FAM240B: variants seen among roughly 807,000 people sequenced by gnomAD.
FAM240B encodes the protein family with sequence similarity 240 member B.
chr9:38,699,096 T>C (rs1821095187), intron 2 of FAM240B, among the ~76,000 whole-genome samples: 2 of 152,188 alleles, frequency 1.3e-5, no homozygotes, highest in South Asian at 2.1e-4. Flanking sequence ...AGCCTAGAAA[T>C]ATTGGCCTCA....
chr9:38,699,449 C>T (rs896532180), intron 2 of FAM240B, among the ~76,000 whole-genome samples: 2 of 152,128 alleles, frequency 1.3e-5, no homozygotes, highest in East Asian at 3.9e-4. Context: ...TAGACTTCAG[C>T]GCTGGTCTGA....
intron 1 of FAM240B, among the ~76,000 whole-genome samples, chr9:38,704,741 G>C (rs1264459491): frequency 1.3e-5 from 2 of 152,102 alleles, no homozygotes; most frequent in Non-Finnish European, 2.9e-5. Context: ...TCGAGGACCC[G>C]ATGTGGGCCG....
At chr9:38,711,693 G>A (rs1821257729) in intron 1 of FAM240B, among the ~76,000 whole-genome samples, 1 of 131,940 alleles carries the variant, frequency 7.6e-6, no homozygotes, top group Non-Finnish European at 1.6e-5. Flanking sequence ...ATCTCCCTCT[G>A]TCACCCAGGC....
chr9:38,697,015 T>C (rs568988126), intron 2 of FAM240B, among the ~76,000 whole-genome samples: 2 of 152,302 alleles, frequency 1.3e-5, no homozygotes. Flanking sequence ...AAAGCCTCTG[T>C]AAATAAATCT....
chr9:38,695,823 A>C (rs1821062702), intron 2 of FAM240B, among the ~76,000 whole-genome samples: 1 of 152,244 alleles, frequency 6.6e-6, no homozygotes, highest in Non-Finnish European at 1.5e-5. Flanking sequence ...TACCATCATC[A>C]AGGCAGTGAA....
intron 1 of FAM240B, among the ~76,000 whole-genome samples, chr9:38,716,639 T>G: frequency 6.6e-6 from 1 of 152,184 alleles, no homozygotes; most frequent in East Asian, 1.9e-4. Flanking sequence ...TATTAAAAGC[T>G]TTTAAAAAGG....
chr9:38,719,408 C>T (rs568279115), intron 1 of FAM240B, among the ~76,000 whole-genome samples: 1 of 152,206 alleles, frequency 6.6e-6, no homozygotes, highest in African/African-American at 2.4e-5. Context: ...CTAGAACTCA[C>T]TTTTATAATA....
chr9:38,704,925 T>A (rs1329020487), intron 1 of FAM240B, among the ~76,000 whole-genome samples: 1 of 152,206 alleles, frequency 6.6e-6, no homozygotes, highest in Non-Finnish European at 1.5e-5. Context: ...GCTCTACAGA[T>A]CTTCTTTGCT....
intron 1 of FAM240B, among the ~76,000 whole-genome samples, chr9:38,717,273 T>C (rs1392531222): frequency 6.6e-6 from 1 of 151,622 alleles, no homozygotes; most frequent in Non-Finnish European, 1.5e-5. Context: ...CCCAGCATAA[T>C]TTGGTCAAAG....
intron 1 of FAM240B, among the ~76,000 whole-genome samples, chr9:38,707,584 C>T (rs1587591822): frequency 6.8e-6 from 1 of 146,702 alleles, no homozygotes; most frequent in African/African-American, 2.5e-5. Flanking sequence ...CTGGCTTACA[C>T]GATGAAACCC....
At position 38,711,416 on chromosome 9, in the gene FAM240B, C is replaced by T. The variant is rs541576307; in HGVS notation, c.-3-7414G>A. On this transcript the variant is annotated intron_variant, in intron 1 of 2. Transcript: ENST00000637493. ...TCTAGGTCTGGGAGCTAAGATGGCT[C>T]CACCTGACTGTGGCCCGTATGCATT... is the stretch of plus-strand genomic sequence containing the variant. Among the ~76,000 whole-genome samples the T allele has an allele frequency of 6.6e-5, 10 of 152,272 alleles. No homozygotes were observed. In the South Asian group the frequency reaches 8.3e-4, roughly 13 times the overall value.
intron 1 of FAM240B, among the ~76,000 whole-genome samples, chr9:38,714,474 TC>T (rs1407465718): frequency 1.3e-5 from 2 of 152,080 alleles, no homozygotes; most frequent in East Asian, 3.8e-4. Context: ...TGGAGTTAAG[TC>T]CCCCTCCCCT....
intron 1 of FAM240B, among the ~76,000 whole-genome samples, chr9:38,707,985 CT>C (rs2119007968): frequency 6.6e-6 from 1 of 152,196 alleles, no homozygotes; most frequent in East Asian, 1.9e-4. Context: ...ACTCAGACGT[CT>C]TCAGGGATCC....
chr9:38,696,867 A>G (rs945789601), intron 2 of FAM240B, among the ~76,000 whole-genome samples: 1 of 152,198 alleles, frequency 6.6e-6, no homozygotes, highest in African/African-American at 2.4e-5. Flanking sequence ...CTACTTTGAT[A>G]TCCACAGATT....
chr9:38,701,541 C>T (rs542484108), intron 2 of FAM240B, among the ~76,000 whole-genome samples: 3 of 152,202 alleles, frequency 2.0e-5, no homozygotes, highest in East Asian at 3.9e-4. Context: ...AATTGATAAG[C>T]GTGATGGCTC....
chr9:38,694,929 T>A, intron 2 of FAM240B, 60 bp from the exon 3 acceptor site: 1 of 398,580 alleles, frequency 2.5e-6, no homozygotes, highest in African/African-American at 2.1e-5. Context: ...GCTGGTCGAC[T>A]GAACCGTGGC....
chr9:38,714,802 G>A (rs931312619), intron 1 of FAM240B, among the ~76,000 whole-genome samples: 8 of 152,196 alleles, frequency 5.3e-5, no homozygotes, highest in African/African-American at 1.9e-4. Context: ...ACAGATTGGA[G>A]GAGAATAAGG....
chr9:38,705,641 T>G (rs566454076), intron 1 of FAM240B: 5 of 152,090 alleles, frequency 3.3e-5, no homozygotes, highest in Admixed American at 3.3e-4. Flanking sequence ...TATTATTTTA[T>G]ATTTATGATA....
chr9:38,718,578 T>C (rs1441002459), intron 1 of FAM240B, among the ~76,000 whole-genome samples: 1 of 152,222 alleles, frequency 6.6e-6, no homozygotes, highest in East Asian at 1.9e-4. Context: ...AATACCGTGC[T>C]GAATTAATGA....
Sources: allele counts gnomAD v4.1 joint callset (sites outside exome capture counted in the v4.1 genomes callset), GRCh38; gene constraint gnomAD v4.1.1; transcripts MANE v1.5; gene names NCBI Gene and HGNC (gene_info 2026-07-23, HGNC 2026-07-21).